Variants in SGCD observed in about 807,000 individuals in gnomAD.
The protein encoded by SGCD is sarcoglycan delta.
A neutral mutation model predicts 36.6 loss-of-function variants in SGCD; 18 were observed. The observed-to-expected ratio is 0.49, with a 90% CI of 0.34 to 0.73. The LOEUF (loss-of-function observed/expected upper bound fraction) is 0.73. SGCD is among the 30% of genes least tolerant of loss of function. The pLI, the probability that SGCD is intolerant of heterozygous loss-of-function variation, is 0.01. For missense variants in SGCD, 387 were observed against 346.7 expected (o/e 1.12, Z -0.92); for synonymous variants, 133 against 130.6 (o/e 1.02, Z -0.12).
At chr5:156,573,177 G>C (rs72801149) in intron 4 of SGCD, among the ~76,000 whole-genome samples, 17 of 152,054 alleles carry the variant, frequency 1.1e-4, no homozygotes, top group African/African-American at 3.9e-4. Context: ...AGCACATACT[G>C]TACTTCTTAA....
chr5:156,359,262 T>C (rs1769653055), intron 3 of SGCD, among the ~76,000 whole-genome samples: 1 of 152,218 alleles, frequency 6.6e-6, no homozygotes, highest in Non-Finnish European at 1.5e-5. Flanking sequence ...TTTTGCTTTC[T>C]TCATTGGCAC....
At chr5:156,147,395 G>T (rs1318834670) in intron 3 of SGCD, among the ~76,000 whole-genome samples, 1 of 152,178 alleles carries the variant, frequency 6.6e-6, no homozygotes, top group African/African-American at 2.4e-5. Flanking sequence ...ATATCTAAAA[G>T]AGTTCATAGT....
chr5:156,061,107 G>A (rs997014067), intron 1 of SGCD, among the ~76,000 whole-genome samples: 1 of 145,118 alleles, frequency 6.9e-6, no homozygotes, highest in African/African-American at 2.5e-5. Flanking sequence ...CTGAGTCAAA[G>A]CACTAGTCTC....
chr5:155,769,387 AAAAAAG>A, the SGCD span, among the ~76,000 whole-genome samples: 5 of 152,004 alleles, frequency 3.3e-5, no homozygotes, highest in African/African-American at 9.6e-5. Context: ...AAAAAGAAAG[AAAAAAG>A]AAAAAACCAA....
At chr5:156,018,150 T>C (rs1759025206) in intron 1 of SGCD, among the ~76,000 whole-genome samples, 1 of 152,210 alleles carries the variant, frequency 6.6e-6, no homozygotes, top group South Asian at 2.1e-4. Context: ...GGTGAGACCC[T>C]GTCTTAGTAA....
the SGCD span, among the ~76,000 whole-genome samples, chr5:155,732,665 A>C: frequency 6.6e-6 from 1 of 152,292 alleles, no homozygotes; most frequent in South Asian, 2.1e-4. Flanking sequence ...ATCTTAGTCA[A>C]AACACAAGTT....
intron 3 of SGCD, among the ~76,000 whole-genome samples, chr5:156,179,373 T>C (rs1334210970): frequency 6.6e-6 from 1 of 152,186 alleles, no homozygotes; most frequent in African/African-American, 2.4e-5. Flanking sequence ...AATTTATTCA[T>C]TTACGTATTG....
chr5:156,751,426 C>G (rs1757145950), intron 7 of SGCD, among the ~76,000 whole-genome samples: 1 of 151,790 alleles, frequency 6.6e-6, no homozygotes, highest in Admixed American at 6.6e-5. Flanking sequence ...AGGTAAGACA[C>G]AGAAAGTGCA....
chr5:156,480,991 A>G (rs1755398832), intron 3 of SGCD, among the ~76,000 whole-genome samples: 1 of 152,204 alleles, frequency 6.6e-6, no homozygotes, highest in African/African-American at 2.4e-5. Context: ...CAACCCATCC[A>G]CTAATCGTTT....
chr5:155,923,144 TA>T (rs1334774985), intron 1 of SGCD, among the ~76,000 whole-genome samples: 1 of 152,156 alleles, frequency 6.6e-6, no homozygotes, highest in African/African-American at 2.4e-5. Context: ...AAGCAGGTGC[TA>T]CAGGAAAATA....
chr5:156,214,985 G>C (rs1490865272), intron 3 of SGCD, among the ~76,000 whole-genome samples: 1 of 151,902 alleles, frequency 6.6e-6, no homozygotes, highest in African/African-American at 2.4e-5. Flanking sequence ...ACCTAAAACT[G>C]TAAAACTACT....
At chr5:156,277,946 A>C (rs1228757822) in intron 3 of SGCD, among the ~76,000 whole-genome samples, 1 of 152,174 alleles carries the variant, frequency 6.6e-6, no homozygotes, top group Non-Finnish European at 1.5e-5. Flanking sequence ...CATTACGCAC[A>C]CAATTGTATA....
intron 7 of SGCD, among the ~76,000 whole-genome samples, chr5:156,742,775 A>C (rs932434309): frequency 2.6e-5 from 4 of 152,168 alleles, no homozygotes; most frequent in Non-Finnish European, 5.9e-5. Context: ...TCCAATCTGA[A>C]GGCAGAAGAC....
chr5:156,411,846 T>C (rs150893195), intron 3 of SGCD, among the ~76,000 whole-genome samples: 11 of 152,362 alleles, frequency 7.2e-5, no homozygotes, highest in African/African-American at 2.4e-4. Context: ...GTTTAAAAGT[T>C]AATTATTTTG....
At chr5:155,848,595 T>C in the SGCD span, among the ~76,000 whole-genome samples, 4 of 152,326 alleles carry the variant, frequency 2.6e-5, no homozygotes, top group East Asian at 7.7e-4. Context: ...CTCAGACAGA[T>C]AAATTTCTTC....
intron 3 of SGCD, among the ~76,000 whole-genome samples, chr5:156,125,843 TTATTATTA>T (rs1561530096): frequency 6.6e-3 from 146 of 22,186 alleles, no homozygotes; most frequent in African/African-American, 0.021. Context: ...CATTCTTTTA[TTATTATTA>T]TTATTATTAT....
intron 3 of SGCD, among the ~76,000 whole-genome samples, chr5:156,427,188 T>A (rs1773710012): frequency 6.6e-6 from 1 of 152,188 alleles, no homozygotes; most frequent in Non-Finnish European, 1.5e-5. Flanking sequence ...TAGAATGTGT[T>A]TCCATTTGTT....
chr5:156,385,887 A>T (rs936788519), intron 3 of SGCD, among the ~76,000 whole-genome samples: 1 of 152,174 alleles, frequency 6.6e-6, no homozygotes, highest in African/African-American at 2.4e-5. Flanking sequence ...TGCCCAAACT[A>T]CCCTCACAGG....
intron 1 of SGCD, among the ~76,000 whole-genome samples, chr5:156,065,462 CA>C (rs1760320451): frequency 8.7e-6 from 1 of 114,464 alleles, no homozygotes; most frequent in Non-Finnish European, 1.8e-5. Flanking sequence ...CTGCTTGGTG[CA>C]GAGCTGAGTT....
Sources: allele counts gnomAD v4.1 joint callset (sites outside exome capture counted in the v4.1 genomes callset), GRCh38; gene constraint gnomAD v4.1.1; transcripts MANE v1.5; gene names NCBI Gene and HGNC (gene_info 2026-07-23, HGNC 2026-07-21).